Variants in CABP1 observed in about 807,000 individuals in gnomAD.
The protein encoded by CABP1 is calcium-binding protein 1.
CABP1 carries 17 observed loss-of-function variants against 34.3 expected under a neutral mutation model. The observed-to-expected ratio is 0.50, with a 90% CI of 0.34 to 0.74. The LOEUF is 0.74. Ranked by LOEUF, CABP1 falls within the 30% of genes least tolerant of loss-of-function variation. CABP1 has a pLI of 0.01. For missense variants in CABP1, 373 were observed against 511.1 expected, an observed-to-expected ratio of 0.73 and a Z score of 2.61; for synonymous variants, 198 against 229.2, an observed-to-expected ratio of 0.86 and a Z score of 1.23.
At chr12:120,675,918 A>G in the CABP1 span, among the ~76,000 whole-genome samples, 1 of 152,166 alleles carries the variant, frequency 6.6e-6, no homozygotes, top group African/African-American at 2.4e-5. Flanking sequence ...TCTACTAAAA[A>G]TACAAAATTT....
Position 120,640,656 on chromosome 12 carries a change from G to T in CABP1, c.-30G>T, listed in dbSNP as rs1879270170. 1 of 1,168,612 alleles carries T rather than the reference G, an allele frequency of 8.6e-7. No individual in the cohort carries two copies. Among genetic ancestry groups the T allele is most frequent in the African/African-American group, 1.6e-5 (1 of 62,042 alleles). 72.4% of individuals were successfully genotyped at this position (1,168,612 alleles called of 1,614,324 possible). On this transcript the variant is annotated 5_prime_UTR_variant, in exon 1 of 6. Coordinates refer to ENST00000316803, the MANE Select transcript of CABP1 (RefSeq NM_001033677.2). This position sits in a 1 kb window ranked among gnomAD's most constrained non-coding sequence, Gnocchi z 6.2. Reference sequence around the variant, plus strand: ...TGCACCGCCAGCCGCCGGGAGCTCCGGGCTCCGGGCGTAGAGGCTGCGCTG... The same window carrying T: ...TGCACCGCCAGCCGCCGGGAGCTCCTGGCTCCGGGCGTAGAGGCTGCGCTG...
At chr12:120,674,839 C>G in the CABP1 span, among the ~76,000 whole-genome samples, 10 of 151,056 alleles carry the variant, frequency 6.6e-5, no homozygotes, top group Admixed American at 1.3e-4. Context: ...TGCAGTGAGC[C>G]AAGATCCCGC....
chr12:120,660,127 GC>G lies in CABP1; in HGVS notation c.686-68del. The G allele has an allele frequency of 1.3e-6, 2 of 1,586,764 alleles. No homozygotes were observed. Among genetic ancestry groups the G allele is most frequent in the Non-Finnish European group, 1.7e-6 (2 of 1,162,706 alleles). On this transcript the variant is annotated intron_variant, in intron 2 of 5. Coordinates refer to ENST00000316803, the MANE Select transcript of CABP1 (RefSeq NM_001033677.2). The surrounding 1 kb of genome is among the most constrained non-coding windows in gnomAD (Gnocchi z 5.0). ...TCTTTCCATGCCGGTGGGCCTTTGG[GC>G]TGCCTTTGCCCACAGAGGCTCTGCG...
chr12:120,662,932 G>A lies in CABP1; in HGVS notation c.1087+1714G>A, dbSNP rs560340340. Among the ~76,000 whole-genome samples the A allele has an allele frequency of 3.0e-4, 46 of 152,230 alleles. No individual in the cohort carries two copies. The South Asian group carries it at 7.7e-3, about 25-fold the overall frequency. ...ACTCCTGAACTCAGGTGATCCACCC[G>A]CCTTGGCCTCCCAAAGTGCTGGGAT... On this transcript the variant is annotated intron_variant, in intron 5 of 5. Transcript: ENST00000316803.
intron 1 of CABP1, among the ~76,000 whole-genome samples, chr12:120,645,791 T>C (rs564810100): frequency 6.6e-6 from 1 of 152,224 alleles, no homozygotes; most frequent in East Asian, 1.9e-4. Context: ...ATTGTGCCTC[T>C]GCACTCCAGC....
At position 120,661,362 on chromosome 12, in the gene CABP1, GCCC is replaced by G. The variant is rs1327171879; in HGVS notation, c.1087+147_1087+149del. The G allele has an allele frequency of 3.6e-6, 3 of 825,066 alleles. No homozygotes were observed. The highest frequency in any genetic ancestry group is 5.5e-6 in the Non-Finnish European group (3 of 541,792). The allele number at this position is 825,066 out of a possible 1,614,324, so 51.1% of individuals were successfully genotyped here. ...TTCATCCTCTTATCCCTCCGTCCAT[GCCC>G]CCGTCTAATCCATCTCCCATCCCTT... On this transcript the variant is annotated intron_variant, in intron 5 of 5. Transcript: ENST00000316803. The surrounding 1 kb of genome is among the most constrained non-coding windows in gnomAD (Gnocchi z 5.1).
At chr12:120,642,839 T>G (rs1031679493) in intron 1 of CABP1, among the ~76,000 whole-genome samples, 1 of 151,754 alleles carries the variant, frequency 6.6e-6, no homozygotes, top group African/African-American at 2.4e-5. Context: ...GTTCCTGTGG[T>G]TTGTTTGTTC....
intron 1 of CABP1, among the ~76,000 whole-genome samples, chr12:120,653,692 C>T (rs1402125194): frequency 1.3e-5 from 2 of 152,152 alleles, no homozygotes; most frequent in Non-Finnish European, 2.9e-5. Context: ...CGCCACCACA[C>T]GCGGCTAATT....
At chr12:120,678,990 T>C in the CABP1 span, among the ~76,000 whole-genome samples, 1 of 148,254 alleles carries the variant, frequency 6.7e-6, no homozygotes, top group East Asian at 2.0e-4. Flanking sequence ...GGAGAATCAC[T>C]TGAACTGAGG....
chr12:120,675,986 G>C, the CABP1 span, among the ~76,000 whole-genome samples: 1 of 152,150 alleles, frequency 6.6e-6, no homozygotes, highest in Non-Finnish European at 1.5e-5. Context: ...TGAGGCAGGG[G>C]AATCGCTTGA....
chr12:120,672,644 T>TAAAA, the CABP1 span, among the ~76,000 whole-genome samples: 1 of 134,152 alleles, frequency 7.5e-6, no homozygotes, highest in Non-Finnish European at 1.6e-5. Flanking sequence ...CAAAAGAGAC[T>TAAAA]AAAAAGTATC....
At chr12:120,643,627 T>C (rs1879435315) in intron 1 of CABP1, among the ~76,000 whole-genome samples, 1 of 152,230 alleles carries the variant, frequency 6.6e-6, no homozygotes, top group South Asian at 2.1e-4. Context: ...AGACAGGGTC[T>C]CACTATGTTG....
intron 1 of CABP1, among the ~76,000 whole-genome samples, chr12:120,654,753 G>T (rs1880067357): frequency 6.6e-6 from 1 of 152,300 alleles, no homozygotes; most frequent in Non-Finnish European, 1.5e-5. Flanking sequence ...CCGGGAGGCT[G>T]GGGAGAACTG....
chr12:120,650,420 C>T, intron 1 of CABP1: 1 of 1,316,960 alleles, frequency 7.6e-7, no homozygotes, highest in African/African-American at 1.5e-5. Flanking sequence ...CACAAACACA[C>T]ACACAATCCA....
At position 120,666,862 on chromosome 12, in the gene CABP1, T is replaced by A; in HGVS notation, c.1088-13T>A. 1 of 1,604,162 alleles carries A rather than the reference T, an allele frequency of 6.2e-7. No individual in the cohort carries two copies. The highest frequency in any genetic ancestry group is 8.5e-7 in the Non-Finnish European group (1 of 1,177,754). ...CTGCTGCTTGCTCCCCAGCTGCTCC[T>A]CTACCCTTCTAGAGTTTGTCCGGAT... On this transcript the variant is annotated splice_polypyrimidine_tract_variant and intron_variant, in intron 5 of 5. Transcript: ENST00000316803.
the CABP1 span, among the ~76,000 whole-genome samples, chr12:120,673,290 A>G: frequency 6.6e-6 from 1 of 152,144 alleles, no homozygotes; most frequent in Non-Finnish European, 1.5e-5. Context: ...ACAATAAAAA[A>G]AATATCTAAA....
chr12:120,653,808 C>T (rs1158720943), intron 1 of CABP1, among the ~76,000 whole-genome samples: 1 of 152,254 alleles, frequency 6.6e-6, no homozygotes, highest in Non-Finnish European at 1.5e-5. Flanking sequence ...GCTGGGATGA[C>T]AGGCATGAGC....
At chr12:120,673,718 G>T in the CABP1 span, among the ~76,000 whole-genome samples, 2 of 152,198 alleles carry the variant, frequency 1.3e-5, no homozygotes, top group African/African-American at 4.8e-5. Flanking sequence ...TGAGGTCTCA[G>T]CTTCCTCATC....
Position 120,660,849 on chromosome 12 carries a change from C to G in CABP1, c.939+9C>G, listed in dbSNP as rs748706808. On this transcript the variant is annotated intron_variant, in intron 4 of 5. Transcript: ENST00000316803. This position sits in a 1 kb window ranked among gnomAD's most constrained non-coding sequence, Gnocchi z 5.0. The stretch of plus-strand genomic sequence containing the variant: ...GAGATGCTTTCCGAGAGGTAACGGA[C>G]AGAGGCAGGCAGGCATGGGGCGGCT... 1.9e-6 allele frequency: 3 copies of G among 1,585,480 alleles called. No homozygotes were observed. Among genetic ancestry groups the G allele is most frequent in the East Asian group, 4.5e-5 (2 of 44,730 alleles).
Sources: gnomAD v4.1 joint callset for allele counts (sites outside exome capture counted in the v4.1 genomes callset) on GRCh38, gnomAD v4.1.1 for gene constraint, Gnocchi (gnomAD v3.1) non-coding constraint, MANE v1.5 for transcripts, NCBI Gene and HGNC (gene_info 2026-07-23, HGNC 2026-07-21) for gene names.